HOXD12: variants seen among roughly 807,000 people sequenced by gnomAD.
The protein encoded by HOXD12 is homeobox protein Hox-D12.
HOXD12 carries 21 observed loss-of-function variants against 20.2 expected under a neutral mutation model. The observed-to-expected ratio is 1.04, with a 90% CI of 0.74 to 1.50. The LOEUF (loss-of-function observed/expected upper bound fraction) is 1.50. Among genes scored for constraint, HOXD12 ranks in the 40% most tolerant of loss-of-function variants. The probability of loss-of-function intolerance (pLI) is 0.00; values close to 1 mark genes in which losing one functional copy is unlikely to be tolerated. For synonymous variants in HOXD12, 196 were observed against 168.8 expected, an observed-to-expected ratio of 1.16 and a Z score of -1.25; for missense variants, 472 against 365.5, an observed-to-expected ratio of 1.29 and a Z score of -2.38.
Position 176,101,515 on chromosome 2 carries a change from G to A in HOXD12, c.*755G>A, listed in dbSNP as rs1689494820. 6.6e-6 allele frequency among the ~76,000 whole-genome samples: 1 copy of A among 152,194 alleles called. No homozygotes were observed. Among genetic ancestry groups the A allele is most frequent in the Non-Finnish European group, 1.5e-5 (1 of 68,036 alleles). On this transcript the variant is annotated 3_prime_UTR_variant, in exon 2 of 2. Transcript: ENST00000406506. Reference sequence around the variant, plus strand: ...TGAGAGAGACTGGGACTCCAGACAAGTGCCATCTCCAGACAAGACTGGCAA... The same window carrying A: ...TGAGAGAGACTGGGACTCCAGACAAATGCCATCTCCAGACAAGACTGGCAA...
Position 176,100,283 on chromosome 2 carries a change from G to A in HOXD12, c.482G>A (p.Gly161Asp), listed in dbSNP as rs750591839. The change falls in exon 1 of 2, where the codon GGC becomes GAC. Residue 161 changes from glycine (G) to aspartate (D), a missense_variant. Gly to Asp is a moderately conservative substitution (Grantham distance 94). Transcript: ENST00000406506. ...TLLQGAPCAP[G>D]FKDDTKGPLN... ...CTCCAGGGGGCTCCCTGCGCCCCTGGCTTCAAGGACGACACCAAGGGCCCG... is the reference window on the plus strand; with the variant it reads ...CTCCAGGGGGCTCCCTGCGCCCCTGACTTCAAGGACGACACCAAGGGCCCG... 41 of 1,612,512 alleles carry A rather than the reference G, an allele frequency of 2.5e-5. No individual in the cohort carries two copies. Among genetic ancestry groups the A allele is most frequent in the Middle Eastern group, 1.6e-4 (1 of 6,076 alleles).
chr2:176,102,094 T>C lies in HOXD12; in HGVS notation c.*1334T>C, dbSNP rs1689506566. On this transcript the variant is annotated 3_prime_UTR_variant, in exon 2 of 2. Transcript: ENST00000406506. ...TGGAGTTGTTCTGGGTGTACTGGAG[T>C]GTCCCGCCTTAATCTCAGTGAACCA... 6.6e-6 allele frequency among the ~76,000 whole-genome samples: 1 copy of C among 152,088 alleles called. No homozygotes were observed. The highest frequency in any genetic ancestry group is 1.5e-5 in the Non-Finnish European group (1 of 68,006).
rs1456626319 is a variant in HOXD12 at position 176,100,037 on chromosome 2, G to T, written c.236G>T (p.Gly79Val). ...GGCTTCTCGCAGCCCTACCTGGCTG[G>T]CTCCGGGCCTCTCGGCCTGCAGCCC... ...FGGFSQPYLA[G>V]SGPLGLQPPT... is the part of the protein sequence containing the mutation. Residue 79 changes from glycine (G) to valine (V), a missense_variant, in exon 1 of 2, where the codon GGC becomes GTC. Gly to Val is a moderately radical substitution (Grantham distance 109, BLOSUM62 -3). Coordinates refer to ENST00000406506, the MANE Select transcript of HOXD12 (RefSeq NM_021193.4). The T allele has an allele frequency of 3.8e-6, 6 of 1,574,060 alleles. No homozygotes were observed. Among genetic ancestry groups the T allele is most frequent in the Non-Finnish European group, 5.2e-6 (6 of 1,160,300 alleles).
chr2:176,100,389 A>G lies in HOXD12; in HGVS notation c.574+14A>G. 6.2e-7 allele frequency: 1 copy of G among 1,612,078 alleles called. No individual in the cohort carries two copies. Among genetic ancestry groups the G allele is most frequent in the Non-Finnish European group, 8.5e-7 (1 of 1,179,474 alleles). ...CACTGCCCGACGGTAAACGGTGCCCATGCTCCCCGGGCCGGTTTGGGCCGG... is the reference window on the plus strand; with the variant it reads ...CACTGCCCGACGGTAAACGGTGCCCGTGCTCCCCGGGCCGGTTTGGGCCGG... On this transcript the variant is annotated intron_variant, in intron 1 of 1. Coordinates refer to ENST00000406506, the MANE Select transcript of HOXD12 (RefSeq NM_021193.4).
Position 176,100,789 on chromosome 2 carries a change from T to C in HOXD12, c.*29T>C, listed in dbSNP as rs1430661583. The C allele has an allele frequency of 7.3e-6, 11 of 1,502,428 alleles. No homozygotes were observed. The African/African-American group carries it at 8.3e-5, about 11-fold the overall frequency. The allele number at this position is 1,502,428 out of a possible 1,614,324, so 93.1% of individuals were successfully genotyped here. On this transcript the variant is annotated 3_prime_UTR_variant, in exon 2 of 2. Transcript: ENST00000406506. ...CGCGCGTGGCCAGGGCCGGGTTGGATCTGCCCTTTTGGACAGAGGCCTTGT... is the reference window on the plus strand; with the variant it reads ...CGCGCGTGGCCAGGGCCGGGTTGGACCTGCCCTTTTGGACAGAGGCCTTGT...
chr2:176,101,614 C>A lies in HOXD12; in HGVS notation c.*854C>A, dbSNP rs1367476292. On this transcript the variant is annotated 3_prime_UTR_variant, in exon 2 of 2. Transcript: ENST00000406506. ...AACCCTGTAACTGGATCCCCAGAGG[C>A]TAGCTCTGGTGAAAGGAGCTGTTGG... Among the ~76,000 whole-genome samples the A allele has an allele frequency of 6.6e-6, 1 of 152,160 alleles. No individual in the cohort carries two copies. Among genetic ancestry groups the A allele is most frequent in the Non-Finnish European group, 1.5e-5 (1 of 68,028 alleles).
chr2:176,099,906 G>A lies in HOXD12; in HGVS notation c.105G>A (p.Gln35=), dbSNP rs747619848. 4 of 1,594,632 alleles carry A rather than the reference G, an allele frequency of 2.5e-6. No individual in the cohort carries two copies. The highest frequency in any genetic ancestry group is 3.4e-6 in the Non-Finnish European group (4 of 1,173,198). The change falls in exon 1 of 2, where the codon CAG becomes CAA. Residue 35 remains glutamine (Q), a synonymous_variant. Transcript: ENST00000406506. ...CCAACCTGAGGCCGAATGGCGGCCA[G>A]TTGGCCGCGCTTCCCCCTATCTCCT... ...YFSNLRPNGG[Q]LAALPPISYP... is the part of the protein sequence containing the mutation.
chr2:176,100,683 G>C lies in HOXD12; in HGVS notation c.736G>C (p.Val246Leu), dbSNP rs752211766. 5.0e-6 allele frequency: 8 copies of C among 1,613,912 alleles called. No individual in the cohort carries two copies. The East Asian group carries it at 1.1e-4, about 22-fold the overall frequency. Residue 246 changes from valine (V) to leucine (L), a missense_variant, in exon 2 of 2, where the codon GTC (valine) becomes CTC (leucine). Coordinates refer to ENST00000406506, the MANE Select transcript of HOXD12 (RefSeq NM_021193.4). ...SNRLNLSDQQ[V>L]KIWFQNRRMK... ...TAGGCTGAACCTCAGCGACCAGCAA[G>C]TCAAAATCTGGTTCCAGAACAGGCG...
Position 176,100,532 on chromosome 2 carries a change from G to T in HOXD12, c.585G>T (p.Trp195Cys). ...GGGGCTGTGTTGCAGGCCTGCCGTG[G>T]GGGGCGGCCCCGGGGAGGGCCCGCA... ...LRPSLPDGLP[W>C]GAAPGRARKK... Residue 195 changes from tryptophan (W) to cysteine (C), a missense_variant, in exon 2 of 2, where the codon TGG becomes TGT. Transcript: ENST00000406506. 1 of 1,604,740 alleles carries T rather than the reference G, an allele frequency of 6.2e-7. No homozygotes were observed. Among genetic ancestry groups the T allele is most frequent in the Non-Finnish European group, 8.5e-7 (1 of 1,175,524 alleles).
chr2:176,100,347 C>G lies in HOXD12; in HGVS notation c.546C>G (p.Ala182=), dbSNP rs775477457. The change falls in exon 1 of 2, where the codon GCC becomes GCG. Residue 182 remains alanine (A), a synonymous_variant. Coordinates refer to ENST00000406506, the MANE Select transcript of HOXD12 (RefSeq NM_021193.4). ...TGACAGTGCAGGCGGCGGGCGTTGC[C>G]TCTTGCCTGCGACCTTCACTGCCCG... ...LNMTVQAAGV[A]SCLRPSLPDG... 1.9e-6 allele frequency: 3 copies of G among 1,612,636 alleles called. No individual in the cohort carries two copies. The highest frequency in any genetic ancestry group is 2.5e-6 in the Non-Finnish European group (3 of 1,179,848).
chr2:176,100,765 G>A lies in HOXD12; in HGVS notation c.*5G>A, dbSNP rs748246392. 94 of 1,605,354 alleles carry A rather than the reference G, an allele frequency of 5.9e-5. No homozygotes were observed. The South Asian group carries it at 7.6e-4, about 13-fold the overall frequency. ...CAGGCGCTGGCGCTCTACTAGCCGCGCGCGTGGCCAGGGCCGGGTTGGATC... is the reference window on the plus strand; with the variant it reads ...CAGGCGCTGGCGCTCTACTAGCCGCACGCGTGGCCAGGGCCGGGTTGGATC... On this transcript the variant is annotated 3_prime_UTR_variant, in exon 2 of 2. Transcript: ENST00000406506.
At position 176,100,011 on chromosome 2, in the gene HOXD12, C is replaced by T; in HGVS notation, c.210C>T (p.Gly70=). ...PAQPAGATAF[G]GFSQPYLAGS... is the part of the protein sequence containing the mutation. ...AGCCTGCGGGCGCCACTGCCTTCGG[C>T]GGCTTCTCGCAGCCCTACCTGGCTG... Residue 70 remains glycine (G), a synonymous_variant, in exon 1 of 2, where the codon GGC becomes GGT. Transcript: ENST00000406506. 1 of 1,561,370 alleles carries T rather than the reference C, an allele frequency of 6.4e-7. No individual in the cohort carries two copies. Among genetic ancestry groups the T allele is most frequent in the South Asian group, 1.2e-5 (1 of 85,532 alleles).
rs758700226 is a variant in HOXD12 at position 176,100,257 on chromosome 2, G to T, written c.456G>T (p.Leu152=). Residue 152 remains leucine (L), a synonymous_variant, in exon 1 of 2, where the codon CTG becomes CTT. Transcript: ENST00000406506. The part of the protein sequence containing the change: ...VGRATPGSTT[L]LQGAPCAPGF... ...GTGCCACGCCGGGCTCCACGACCCT[G>T]CTCCAGGGGGCTCCCTGCGCCCCTG... The T allele has an allele frequency of 1.9e-6, 3 of 1,612,502 alleles. No homozygotes were observed. Among genetic ancestry groups the T allele is most frequent in the East Asian group, 2.2e-5 (1 of 44,858 alleles).
Position 176,100,251 on chromosome 2 carries a change from G to C in HOXD12, c.450G>C (p.Thr150=), listed in dbSNP as rs761478015. 4.3e-6 allele frequency: 7 copies of C among 1,612,422 alleles called. No homozygotes were observed. Among genetic ancestry groups the C allele is most frequent in the South Asian group, 2.2e-5 (2 of 91,060 alleles). ...TGGGTCGTGCCACGCCGGGCTCCAC[G>C]ACCCTGCTCCAGGGGGCTCCCTGCG... The part of the protein sequence containing the change: ...AGVGRATPGS[T]TLLQGAPCAP... The change falls in exon 1 of 2, where the codon ACG becomes ACC. Residue 150 remains threonine (T), a synonymous_variant. Transcript: ENST00000406506.
In HOXD12 at chr2:176,100,334, C is replaced by T. The variant is rs766187461; in HGVS notation, c.533C>T (p.Ala178Val). 1.8e-5 allele frequency: 29 copies of T among 1,612,552 alleles called. No individual in the cohort carries two copies. Among genetic ancestry groups the T allele is most frequent in the Non-Finnish European group, 2.2e-5 (26 of 1,179,854 alleles). Residue 178 changes from alanine to valine, a missense_variant, in exon 1 of 2, where the codon GCG becomes GTG. Ala to Val is a moderately conservative substitution (Grantham distance 64). Transcript: ENST00000406506. ...CTCAACTTGAACATGACAGTGCAGG[C>T]GGCGGGCGTTGCCTCTTGCCTGCGA... The part of the protein sequence containing the change: ...GPLNLNMTVQ[A>V]AGVASCLRPS...
chr2:176,102,342 T>C lies in HOXD12; in HGVS notation c.*1582T>C, dbSNP rs911878547. Among the ~76,000 whole-genome samples, 3 of 152,252 alleles carry C rather than the reference T, an allele frequency of 2.0e-5. No individual in the cohort carries two copies. The highest frequency in any genetic ancestry group is 2.9e-5 in the Non-Finnish European group (2 of 68,054). ...GAGCCTTAGCCCAACTGACTTCAGT[T>C]GATATTTAAACTAATTTCATTTTCT... On this transcript the variant is annotated 3_prime_UTR_variant, in exon 2 of 2. Coordinates refer to ENST00000406506, the MANE Select transcript of HOXD12 (RefSeq NM_021193.4).
rs1574946709 is a variant in HOXD12 at position 176,100,960 on chromosome 2, CG to C, written c.*202del. On this transcript the variant is annotated 3_prime_UTR_variant, in exon 2 of 2. Coordinates refer to ENST00000406506, the MANE Select transcript of HOXD12 (RefSeq NM_021193.4). ...CCCTGAGAAGCCCGTGAGAAACGTG[CG>C]GAAGTACCAGTGCAACTCTGGCTGG... 1.7e-6 allele frequency: 1 copy of C among 601,192 alleles called. No homozygotes were observed. Among genetic ancestry groups the C allele is most frequent in the East Asian group, 2.8e-5 (1 of 36,244 alleles). 37.2% of individuals were successfully genotyped at this position (601,192 alleles called of 1,614,324 possible).
In HOXD12 at chr2:176,100,648, A is replaced by C. The variant is rs1475871822; in HGVS notation, c.701A>C (p.Glu234Ala). 1 of 1,613,816 alleles carries C rather than the reference A, an allele frequency of 6.2e-7. No homozygotes were observed. The highest frequency in any genetic ancestry group is 8.5e-7 in the Non-Finnish European group (1 of 1,179,844). The change falls in exon 2 of 2, where the codon GAA (glutamate) becomes GCA (alanine). Residue 234 changes from glutamate (E) to alanine (A), a missense_variant. Physicochemically the swap from Glu to Ala is moderately radical, Grantham distance 107 (BLOSUM62 -1). Coordinates refer to ENST00000406506, the MANE Select transcript of HOXD12 (RefSeq NM_021193.4). The part of the protein sequence containing the change: ...NEFINRQKRK[E>A]LSNRLNLSDQ... ...TTCATCAACAGGCAGAAACGCAAGG[A>C]ATTGTCCAATAGGCTGAACCTCAGC...
rs1000891192 is a variant in HOXD12, at chr2:176,100,766, C to A, written c.*6C>A. ...AGGCGCTGGCGCTCTACTAGCCGCG[C>A]GCGTGGCCAGGGCCGGGTTGGATCT... On this transcript the variant is annotated 3_prime_UTR_variant, in exon 2 of 2. Transcript: ENST00000406506. 3 of 1,603,224 alleles carry A rather than the reference C, an allele frequency of 1.9e-6. No individual in the cohort carries two copies. The highest frequency in any genetic ancestry group is 1.7e-5 in the Admixed American group (1 of 59,642).
Sources: allele counts gnomAD v4.1 joint callset (sites outside exome capture counted in the v4.1 genomes callset), GRCh38; gene constraint gnomAD v4.1.1; transcripts MANE v1.5; gene names NCBI Gene and HGNC (gene_info 2026-07-23, HGNC 2026-07-21).